The following ZNF701 variants were observed in gnomAD, a reference collection of about 807,000 sequenced individuals.
ZNF701 encodes zinc finger protein 701.
In ZNF701, 6 loss-of-function variants were observed where a neutral mutation model predicts 7.1. The observed-to-expected ratio is 0.84, with a 90% CI of 0.46 to 1.66. The LOEUF (loss-of-function observed/expected upper bound fraction) is 1.66, where lower values mean the gene tolerates loss of function less well. Ranked by LOEUF, ZNF701 falls within the 40% of genes most tolerant of loss-of-function variation. The pLI is 0.01. For missense variants in ZNF701, 541 were observed against 559.2 expected, an observed-to-expected ratio of 0.97 and a Z score of 0.33; for synonymous variants, 166 against 188.2, an observed-to-expected ratio of 0.88 and a Z score of 0.97.
intron 3 of ZNF701, among the ~76,000 whole-genome samples, chr19:52,581,232 C>CT (rs1279584689): frequency 1.3e-5 from 2 of 152,186 alleles, no homozygotes; most frequent in African/African-American, 4.8e-5. Flanking sequence ...TAACATTTTT[C>CT]TTTTTGAGAG....
rs972890973 is a variant in ZNF701 at position 52,574,261 on chromosome 19, A to G, written c.15+99A>G. On this transcript the variant is annotated intron_variant, in intron 2 of 3. Transcript: ENST00000391785. ...CTCTGAGTCTCAAGTGTCCTGCCTG[A>G]CAGGTTTGCTCACACTCAACTCATG... is the stretch of plus-strand genomic sequence containing the variant. 1.5e-5 allele frequency: 24 copies of G among 1,550,522 alleles called. No homozygotes were observed. In the Middle Eastern group the frequency reaches 5.0e-4, roughly 33 times the overall value.
chr19:52,580,005 G>A (rs1477162051), intron 3 of ZNF701, among the ~76,000 whole-genome samples: 2 of 142,316 alleles, frequency 1.4e-5, no homozygotes, highest in Non-Finnish European at 3.0e-5. Flanking sequence ...GCAGTGGCAC[G>A]ATCTCAGCTC....
chr19:52,587,321 G>T, downstream of ZNF701: 1 of 152,934 alleles, frequency 6.5e-6, no homozygotes, highest in South Asian at 1.8e-4. Flanking sequence ...GGACCCCTCT[G>T]ACTTCATCTC....
chr19:52,588,550 C>A (rs2060024484), downstream of ZNF701: 1 of 368,558 alleles, frequency 2.7e-6, no homozygotes. Flanking sequence ...TCCAAAGACT[C>A]ATGCTATGTA....
At chr19:52,579,329 C>G (rs1568503620) in intron 3 of ZNF701, among the ~76,000 whole-genome samples, 1 of 139,920 alleles carries the variant, frequency 7.1e-6, no homozygotes. Context: ...GAGTTCAAGA[C>G]CAGTCTCAAC....
At chr19:52,596,136 A>C in the ZNF701 span, 2 of 809,982 alleles carry the variant, frequency 2.5e-6, no homozygotes, top group Non-Finnish European at 4.1e-6. Context: ...GAGTGTGGCA[A>C]AGCCTTTAAT....
chr19:52,582,619 G>T lies in ZNF701; in HGVS notation c.560G>T (p.Arg187Leu). Residue 187 changes from arginine (R) to leucine (L), a missense_variant, in exon 4 of 4, where the codon CGT (arginine) becomes CTT (leucine). By Grantham distance (102) the Arg-to-Leu change is moderately radical (BLOSUM62 -2). Coordinates refer to ENST00000391785, the MANE Select transcript of ZNF701 (RefSeq NM_018260.3). ...CGAATTTCCTGTAGGCCAAAAACTCGTATTTCTAATAAGTATAGGAATAAT... is the reference window on the plus strand; with the variant it reads ...CGAATTTCCTGTAGGCCAAAAACTCTTATTTCTAATAAGTATAGGAATAAT... ...SQRISCRPKTRISNKYRNNFL... is the reference protein window; with the variant it reads ...SQRISCRPKTLISNKYRNNFL... 6.2e-7 allele frequency: 1 copy of T among 1,614,070 alleles called. No individual in the cohort carries two copies. The highest frequency in any genetic ancestry group is 1.3e-5 in the African/African-American group (1 of 75,012).
downstream of ZNF701, chr19:52,588,542 CAA>C (rs1316967184): frequency 2.0e-5 from 7 of 347,564 alleles, no homozygotes; most frequent in Non-Finnish European, 3.3e-5. Flanking sequence ...GATTGATTTC[CAA>C]AGACTCATGC....
At chr19:52,593,079 A>G in the ZNF701 span, among the ~76,000 whole-genome samples, 1 of 118,018 alleles carries the variant, frequency 8.5e-6, no homozygotes, top group African/African-American at 3.3e-5. Flanking sequence ...CATGTTTCAG[A>G]GAGCACAGGG....
At position 52,584,009 on chromosome 19, in the gene ZNF701, C is replaced by T. The variant is rs531887036; in HGVS notation, c.*552C>T. The T allele has an allele frequency of 2.6e-5, 11 of 430,658 alleles. No individual in the cohort carries two copies. The highest frequency in any genetic ancestry group is 4.3e-5 in the Non-Finnish European group (9 of 211,244). 26.7% of individuals were successfully genotyped at this position (430,658 alleles called of 1,614,324 possible). Reference sequence around the variant, plus strand: ...CAGTCAAGCTTCATCTTTTGCAAAACGGGAGAATTCATACAGGAGAGAAAC... The same window carrying T: ...CAGTCAAGCTTCATCTTTTGCAAAATGGGAGAATTCATACAGGAGAGAAAC... On this transcript the variant is annotated 3_prime_UTR_variant, in exon 4 of 4. Coordinates refer to ENST00000391785, the MANE Select transcript of ZNF701 (RefSeq NM_018260.3).
chr19:52,579,353 G>A lies in ZNF701; in HGVS notation c.143-2849G>A, dbSNP rs1008736133. On this transcript the variant is annotated intron_variant, in intron 3 of 3. Transcript: ENST00000391785. ...ACCAGTCTCAACATGGAGAAACCCC[G>A]TCTCTACTAAAAATACAAAATTAGC... Among the ~76,000 whole-genome samples, 11 of 139,294 alleles carry A rather than the reference G, an allele frequency of 7.9e-5. 2 individuals carry two copies. The highest frequency in any genetic ancestry group is 3.5e-4 in the African/African-American group (11 of 31,022). 91.4% of individuals were successfully genotyped at this position (139,294 alleles called of 152,430 possible). A position where few individuals can be genotyped will look rare whatever the true frequency, so the allele number is the denominator to read the frequency against.
At position 52,586,232 on chromosome 19, in the gene ZNF701, G is replaced by C. The variant is rs888748477; in HGVS notation, c.*2775G>C. 2.3e-4 allele frequency: 35 copies of C among 152,022 alleles called. No individual in the cohort carries two copies. The highest frequency in any genetic ancestry group is 8.0e-4 in the African/African-American group (33 of 41,366). 9.4% of individuals were successfully genotyped at this position (152,022 alleles called of 1,614,324 possible). On this transcript the variant is annotated 3_prime_UTR_variant, in exon 4 of 4. Coordinates refer to ENST00000391785, the MANE Select transcript of ZNF701 (RefSeq NM_018260.3). ...AATTTTTGTGTTCTTGGTAGAGACC[G>C]GGTTTTGCCTTGTTGTCTAGGTTGG...
rs1263220067 is a variant in ZNF701, at chr19:52,586,969, G to T, written c.*3512G>T. The T allele has an allele frequency of 6.6e-6, 1 of 152,110 alleles. No individual in the cohort carries two copies. The highest frequency in any genetic ancestry group is 1.5e-5 in the Non-Finnish European group (1 of 68,046). The allele number at this position is 152,110 out of a possible 1,614,324, so 9.4% of individuals were successfully genotyped here. Reference sequence around the variant, plus strand: ...CCTCGCCCCGGAGCTCTACAATCCTGTGTGCAGTTGTCTCCGCAGCTCTCT... The same window carrying T: ...CCTCGCCCCGGAGCTCTACAATCCTTTGTGCAGTTGTCTCCGCAGCTCTCT... On this transcript the variant is annotated 3_prime_UTR_variant, in exon 4 of 4. Coordinates refer to ENST00000391785, the MANE Select transcript of ZNF701 (RefSeq NM_018260.3).
downstream of ZNF701, among the ~76,000 whole-genome samples, chr19:52,589,934 C>T (rs369829553): frequency 5.1e-4 from 77 of 152,092 alleles, no homozygotes; most frequent in East Asian, 0.014. Flanking sequence ...GCTGAGATTA[C>T]AAGTGCGCAC....
downstream of ZNF701, among the ~76,000 whole-genome samples, chr19:52,589,808 T>G (rs1032262836): frequency 6.6e-6 from 1 of 152,184 alleles, no homozygotes; most frequent in Non-Finnish European, 1.5e-5. Flanking sequence ...AAAAAAATTT[T>G]TTTGAGATGA....
intron 3 of ZNF701, among the ~76,000 whole-genome samples, chr19:52,579,043 G>A (rs539275023): frequency 8.4e-5 from 12 of 143,568 alleles, no homozygotes; most frequent in East Asian, 4.0e-4. Flanking sequence ...ACCGCGCCCC[G>A]CCGTGCCCAT....
At chr19:52,578,501 G>A (rs1328284268) in intron 3 of ZNF701, among the ~76,000 whole-genome samples, 2 of 152,056 alleles carry the variant, frequency 1.3e-5, no homozygotes, top group African/African-American at 4.8e-5. Context: ...GATGGTAGTG[G>A]TCCCCCAGGC....
intron 3 of ZNF701, among the ~76,000 whole-genome samples, chr19:52,581,041 T>C (rs2059971947): frequency 6.6e-6 from 1 of 152,026 alleles, no homozygotes; most frequent in Non-Finnish European, 1.5e-5. Flanking sequence ...AGAGACTTGC[T>C]TGAACCCAGG....
chr19:52,580,316 T>A (rs1568504094), intron 3 of ZNF701, among the ~76,000 whole-genome samples: 1 of 152,114 alleles, frequency 6.6e-6, no homozygotes, highest in African/African-American at 2.4e-5. Context: ...ATATACAGTG[T>A]TTTTTCATGC....
Sources: gnomAD v4.1 joint callset for allele counts (sites outside exome capture counted in the v4.1 genomes callset) on GRCh38, gnomAD v4.1.1 for gene constraint, MANE v1.5 for transcripts, NCBI Gene and HGNC (gene_info 2026-07-23, HGNC 2026-07-21) for gene names.